Variants in RCAN1 observed in about 807,000 individuals in gnomAD.
RCAN1 encodes the protein regulator of calcineurin 1, also known as calcipressin-1.
In RCAN1, 11 loss-of-function variants were observed where a neutral mutation model predicts 22.9. The observed-to-expected ratio is 0.48, with a 90% CI of 0.30 to 0.79. RCAN1 has a LOEUF of 0.79. RCAN1 is among the 30% of genes least tolerant of loss of function. The pLI, the probability that RCAN1 is intolerant of heterozygous loss-of-function variation, is 0.06. For missense variants in RCAN1, 291 were observed against 337.8 expected (o/e 0.86, Z 1.09); for synonymous variants, 136 against 142.3 (o/e 0.96, Z 0.32).
Position 34,518,098 on chromosome 21 carries a change from T to C in RCAN1, c.745A>G (p.Ile249Val), listed in dbSNP as rs769452849. Residue 249 changes from isoleucine to valine, a missense_variant, in exon 4 of 4, where the codon ATC becomes GTC. Physicochemically the swap from Ile to Val is conservative, Grantham distance 29 (BLOSUM62 3). Coordinates refer to ENST00000313806, the MANE Select transcript of RCAN1 (RefSeq NM_004414.7). This position sits in a 1 kb window ranked among gnomAD's most constrained non-coding sequence, Gnocchi z 4.2. ...CGCGTGCCAGTTCAGCTGAGGTGGA[T>C]CGGCGTGTACTCCGGCCTCCTGGTC... ...IQTRRPEYTP[I>V]HLS The C allele has an allele frequency of 1.9e-6, 3 of 1,614,078 alleles. No homozygotes were observed. Among genetic ancestry groups the C allele is most frequent in the East Asian group, 2.2e-5 (1 of 44,894 alleles).
intron 1 of RCAN1, among the ~76,000 whole-genome samples, chr21:34,575,412 G>T (rs1414628363): frequency 3.3e-5 from 5 of 152,182 alleles, no homozygotes; most frequent in Non-Finnish European, 7.3e-5. Context: ...GGCTGAGACG[G>T]TCTTATTCTC....
At chr21:34,585,269 G>A (rs1232071106) in intron 1 of RCAN1, among the ~76,000 whole-genome samples, 1 of 152,176 alleles carries the variant, frequency 6.6e-6, no homozygotes, top group Non-Finnish European at 1.5e-5. Flanking sequence ...TTAGAATAAT[G>A]CTAATGTCAT....
chr21:34,597,379 A>G (rs1368106084), intron 1 of RCAN1, among the ~76,000 whole-genome samples: 1 of 152,240 alleles, frequency 6.6e-6, no homozygotes, highest in Non-Finnish European at 1.5e-5. Flanking sequence ...ACTGCAGTGG[A>G]CAGTGCGGAT....
At chr21:34,533,688 A>C (rs1836650058) in intron 1 of RCAN1, among the ~76,000 whole-genome samples, 1 of 152,230 alleles carries the variant, frequency 6.6e-6, no homozygotes, top group African/African-American at 2.4e-5. Context: ...TACAATCCAC[A>C]GTATGTTTAG....
At chr21:34,592,651 C>A (rs1988012838) in intron 1 of RCAN1, among the ~76,000 whole-genome samples, 3 of 152,176 alleles carry the variant, frequency 2.0e-5, no homozygotes, top group Admixed American at 6.5e-5. Flanking sequence ...AGAGGATAAT[C>A]ATTTATGAAT....
chr21:34,555,381 C>T (rs1986518796), intron 1 of RCAN1, among the ~76,000 whole-genome samples: 1 of 151,990 alleles, frequency 6.6e-6, no homozygotes, highest in South Asian at 2.1e-4. Context: ...GAGATACATA[C>T]AAATGAAATG....
chr21:34,521,863 A>T, intron 2 of RCAN1: 1 of 561,258 alleles, frequency 1.8e-6, no homozygotes, highest in Non-Finnish European at 3.2e-6. Flanking sequence ...ATAGGATGAC[A>T]GCCCCCTCCC....
intron 1 of RCAN1, among the ~76,000 whole-genome samples, chr21:34,606,833 G>A (rs144802557): frequency 1.3e-5 from 2 of 152,208 alleles, no homozygotes; most frequent in Admixed American, 6.5e-5. Flanking sequence ...ACCAGAAAGA[G>A]ACCATGCTGG....
intron 1 of RCAN1, among the ~76,000 whole-genome samples, chr21:34,537,826 TTGTG>T (rs3831800): frequency 0.24 from 36,125 of 150,708 alleles, 4,962 homozygotes; most frequent in African/African-American, 0.38. Context: ...CACATGGTAA[TTGTG>T]TGTGTGTGTG....
At chr21:34,560,906 T>G (rs909502195) in intron 1 of RCAN1, among the ~76,000 whole-genome samples, 2 of 152,232 alleles carry the variant, frequency 1.3e-5, no homozygotes, top group African/African-American at 4.8e-5. Context: ...TTTGGCTCTG[T>G]GTCCCCACCC....
At chr21:34,538,413 T>C (rs7276646) in intron 1 of RCAN1, among the ~76,000 whole-genome samples, 20,406 of 152,126 alleles carry the variant, frequency 0.13, 1,457 homozygotes, top group African/African-American at 0.17. Context: ...GAGGACACAG[T>C]GGCTCTACTG....
At chr21:34,570,874 T>A (rs571246577) in intron 1 of RCAN1, among the ~76,000 whole-genome samples, 9 of 152,284 alleles carry the variant, frequency 5.9e-5, no homozygotes, top group East Asian at 1.9e-4. Context: ...ATATATTTTT[T>A]AAAAAATTCT....
In RCAN1 at chr21:34,539,851, T is replaced by C. The variant is rs1985841272; in HGVS notation, c.253-16141A>G. On this transcript the variant is annotated intron_variant, in intron 1 of 3. Transcript: ENST00000313806. ...GGGATTTCACCAGAAAATACTGATTTTGTCTTTCTTTGATTACCTCTCCTG... is the reference window on the plus strand; with the variant it reads ...GGGATTTCACCAGAAAATACTGATTCTGTCTTTCTTTGATTACCTCTCCTG... 3.3e-5 allele frequency among the ~76,000 whole-genome samples: 5 copies of C among 152,362 alleles called. No individual in the cohort carries two copies. The South Asian group carries it at 1.0e-3, about 32-fold the overall frequency.
chr21:34,579,158 G>T (rs1465924778), intron 1 of RCAN1, among the ~76,000 whole-genome samples: 3 of 152,184 alleles, frequency 2.0e-5, no homozygotes, highest in African/African-American at 7.2e-5. Flanking sequence ...ACCTTGGGAG[G>T]CTGAGGTGGG....
At chr21:34,569,294 G>A (rs754441937) in intron 1 of RCAN1, among the ~76,000 whole-genome samples, 2 of 152,208 alleles carry the variant, frequency 1.3e-5, no homozygotes, top group Non-Finnish European at 2.9e-5. Context: ...TAAACAGCAA[G>A]TGCAGAGAGA....
rs183495267 is a variant in RCAN1, at chr21:34,611,864, C to T, written c.252+2896G>A. ...CTTGCTGCAAGGCTTACCAAGGACC[C>T]GCTGTGACTTTAGCTCTCAGGTTGC... On this transcript the variant is annotated intron_variant, in intron 1 of 3. Coordinates refer to ENST00000313806, the MANE Select transcript of RCAN1 (RefSeq NM_004414.7). 3.3e-4 allele frequency among the ~76,000 whole-genome samples: 51 copies of T among 152,262 alleles called. 1 individual carries two copies. The South Asian group carries it at 0.01, about 31-fold the overall frequency.
chr21:34,539,571 TCTC>T (rs1985831809), intron 1 of RCAN1, among the ~76,000 whole-genome samples: 1 of 152,222 alleles, frequency 6.6e-6, no homozygotes, highest in South Asian at 2.1e-4. Context: ...CAAAAAAGCT[TCTC>T]CTTTCCCCTT....
At chr21:34,522,703 G>GGTATGTGT (rs1984669832) in intron 2 of RCAN1, 1 of 143,500 alleles carries the variant, frequency 7.0e-6, no homozygotes, top group Non-Finnish European at 1.5e-5. Context: ...ATCCCAGCAA[G>GGTATGTGT]GTATGTGTGT....
chr21:34,576,969 G>A (rs573307708), intron 1 of RCAN1, among the ~76,000 whole-genome samples: 1 of 152,348 alleles, frequency 6.6e-6, no homozygotes, highest in African/African-American at 2.4e-5. Context: ...GAACATCAGA[G>A]ATTAGTTGGG....
Sources: gnomAD v4.1 joint callset for allele counts (sites outside exome capture counted in the v4.1 genomes callset) on GRCh38, gnomAD v4.1.1 for gene constraint, Gnocchi (gnomAD v3.1) non-coding constraint, MANE v1.5 for transcripts, NCBI Gene and HGNC (gene_info 2026-07-23, HGNC 2026-07-21) for gene names.